Variants in SOX5 observed in about 807,000 individuals in gnomAD.
SOX5 encodes transcription factor SOX-5.
A neutral mutation model predicts 92.0 loss-of-function variants in SOX5; 9 were observed. The ratio of observed to expected loss-of-function variants is 0.10; its 90% CI spans 0.06 to 0.17. SOX5 has a LOEUF of 0.17. Ranked by LOEUF, SOX5 falls within the 10% of genes least tolerant of loss-of-function variation. The pLI is 1.00. For synonymous variants in SOX5, 344 were observed against 336.3 expected (o/e 1.02, Z -0.25); for missense variants, 642 against 944.5 (o/e 0.68, Z 4.20).
intron 4 of SOX5, among the ~76,000 whole-genome samples, chr12:24,165,735 C>T (rs930856598): frequency 6.6e-5 from 10 of 151,772 alleles, no homozygotes; most frequent in African/African-American, 9.7e-5. Context: ...GCAGAGCCAA[C>T]GGTGGGGAAG....
chr12:23,959,062 T>A (rs915586526), intron 4 of SOX5, among the ~76,000 whole-genome samples: 6 of 151,854 alleles, frequency 4.0e-5, no homozygotes, highest in Admixed American at 3.3e-4. Flanking sequence ...AGTTCCTCAA[T>A]AGGTAGCATC....
intron 3 of SOX5, among the ~76,000 whole-genome samples, chr12:23,841,807 G>A (rs1462575052): frequency 6.6e-6 from 1 of 152,010 alleles, no homozygotes; most frequent in Non-Finnish European, 1.5e-5. Flanking sequence ...GGATGAATAG[G>A]TGAAACAGGA....
intron 4 of SOX5, among the ~76,000 whole-genome samples, chr12:24,180,084 A>C (rs1955311541): frequency 6.6e-6 from 1 of 152,026 alleles, no homozygotes. Context: ...AGCTGGGATT[A>C]TAGGAATTAT....
chr12:24,350,318 CTGTTT>C (rs1400318559), intron 2 of SOX5, among the ~76,000 whole-genome samples: 1 of 152,020 alleles, frequency 6.6e-6, no homozygotes, highest in African/African-American at 2.4e-5. Context: ...TTTGTTTGTT[CTGTTT>C]TGTTTTGTTT....
intron 2 of SOX5, among the ~76,000 whole-genome samples, chr12:23,883,381 A>T (rs1461763080): frequency 1.3e-5 from 2 of 152,188 alleles, no homozygotes; most frequent in Non-Finnish European, 2.9e-5. Flanking sequence ...TATTAAAAGG[A>T]AAACATGAAT....
In SOX5 at chr12:23,716,200, C is replaced by G. The variant is rs550207421; in HGVS notation, c.810+18484G>C. Among the ~76,000 whole-genome samples, 24 of 152,204 alleles carry G rather than the reference C, an allele frequency of 1.6e-4. 1 individual carries two copies. Among genetic ancestry groups the G allele is most frequent in the African/African-American group, 5.5e-4 (23 of 41,528 alleles). On this transcript the variant is annotated intron_variant, in intron 6 of 14. Coordinates refer to ENST00000451604, the MANE Select transcript of SOX5 (RefSeq NM_006940.6). ...TAAAGGTTTATAAAGTAGGCTAATA[C>G]CAAAATTCAATTTGACTAAGGTCAA...
intron 1 of SOX5, among the ~76,000 whole-genome samples, chr12:24,545,806 A>G (rs1400452758): frequency 6.6e-6 from 1 of 152,148 alleles, no homozygotes; most frequent in Non-Finnish European, 1.5e-5. Flanking sequence ...GCCCCTCCAC[A>G]GGGATGGCCC....
At chr12:24,187,154 C>T (rs980688466) in intron 4 of SOX5, among the ~76,000 whole-genome samples, 1 of 152,192 alleles carries the variant, frequency 6.6e-6, no homozygotes, top group Non-Finnish European at 1.5e-5. Flanking sequence ...TTTTACTTTG[C>T]GTGGCTCAGA....
At chr12:24,224,313 G>A (rs975163993) in intron 3 of SOX5, among the ~76,000 whole-genome samples, 4 of 152,040 alleles carry the variant, frequency 2.6e-5, no homozygotes, top group African/African-American at 9.7e-5. Flanking sequence ...GAATGTTTCG[G>A]AAGCTGACAC....
At chr12:23,583,374 C>T (rs991981973) in intron 9 of SOX5, among the ~76,000 whole-genome samples, 4 of 152,036 alleles carry the variant, frequency 2.6e-5, no homozygotes, top group African/African-American at 9.7e-5. Context: ...TGAAAACCCA[C>T]TCATAGAAAT....
intron 1 of SOX5, among the ~76,000 whole-genome samples, chr12:23,896,524 G>A (rs778292754): frequency 1.3e-5 from 2 of 152,084 alleles, no homozygotes; most frequent in Non-Finnish European, 2.9e-5. Context: ...ATTGTAAAAT[G>A]TAGAAATATT....
At chr12:24,003,115 T>A (rs1321712941) in intron 4 of SOX5, among the ~76,000 whole-genome samples, 1 of 152,064 alleles carries the variant, frequency 6.6e-6, no homozygotes, top group Non-Finnish European at 1.5e-5. Context: ...CACCTATTCA[T>A]GGTAGAAATT....
chr12:24,488,748 C>A (rs982868580), intron 1 of SOX5, among the ~76,000 whole-genome samples: 2 of 152,100 alleles, frequency 1.3e-5, no homozygotes, highest in African/African-American at 4.8e-5. Flanking sequence ...CCCACTCTTA[C>A]CCAGACTCTT....
chr12:23,576,861 C>T (rs958384009), intron 9 of SOX5, among the ~76,000 whole-genome samples: 6 of 151,646 alleles, frequency 4.0e-5, no homozygotes, highest in African/African-American at 9.7e-5. Context: ...TATTTATCAA[C>T]GTTTACAATA....
intron 6 of SOX5, among the ~76,000 whole-genome samples, chr12:23,700,037 A>T (rs1181539307): frequency 2.6e-5 from 4 of 152,134 alleles, no homozygotes; most frequent in African/African-American, 9.7e-5. Flanking sequence ...TTTAAGAGTC[A>T]TTGCATATTT....
At chr12:24,215,414 G>C (rs1959091175) in intron 3 of SOX5, among the ~76,000 whole-genome samples, 1 of 152,064 alleles carries the variant, frequency 6.6e-6, no homozygotes, top group Admixed American at 6.5e-5. Flanking sequence ...TTGCAGGATA[G>C]TTGATCAATA....
intron 1 of SOX5, among the ~76,000 whole-genome samples, chr12:24,538,642 A>T (rs1445318116): frequency 7.1e-6 from 1 of 141,412 alleles, no homozygotes. Context: ...CACACACTAC[A>T]CGATAAGAAG....
intron 4 of SOX5, among the ~76,000 whole-genome samples, chr12:24,001,644 C>T (rs987062048): frequency 6.8e-6 from 1 of 147,246 alleles, no homozygotes; most frequent in African/African-American, 2.5e-5. Flanking sequence ...ACAGTGAGAC[C>T]CCATCTCTAC....
intron 3 of SOX5, among the ~76,000 whole-genome samples, chr12:23,767,150 T>C (rs1594211456): frequency 6.6e-6 from 1 of 151,556 alleles, no homozygotes; most frequent in East Asian, 1.9e-4. Context: ...GAGGCTGCAG[T>C]GAGCCATGAT....
Sources: allele counts gnomAD v4.1 joint callset (sites outside exome capture counted in the v4.1 genomes callset), GRCh38; gene constraint gnomAD v4.1.1; transcripts MANE v1.5; gene names NCBI Gene and HGNC (gene_info 2026-07-23, HGNC 2026-07-21).